CHRNA6: variants seen among roughly 807,000 people sequenced by gnomAD.
The protein encoded by CHRNA6 is cholinergic receptor nicotinic alpha 6 subunit.
CHRNA6 carries 31 observed loss-of-function variants against 40.9 expected under a neutral mutation model. The ratio of observed to expected loss-of-function variants is 0.76; its 90% CI spans 0.57 to 1.02. CHRNA6 has a LOEUF of 1.02. Ranked by LOEUF, CHRNA6 falls within the 50% of genes least tolerant of loss-of-function variation. The probability of loss-of-function intolerance (pLI) is 0.00; values close to 1 mark genes in which losing one functional copy is unlikely to be tolerated. For missense variants in CHRNA6, 546 were observed against 596.6 expected, an observed-to-expected ratio of 0.92 and a Z score of 0.88; for synonymous variants, 222 against 221.3, an observed-to-expected ratio of 1.00 and a Z score of -0.03.
chr8:42,760,680 T>TCA (rs1297893600), intron 2 of CHRNA6, among the ~76,000 whole-genome samples: 4 of 152,078 alleles, frequency 2.6e-5, no homozygotes, highest in East Asian at 1.9e-4. Flanking sequence ...ATGATCTCAG[T>TCA]CACACACACA....
intron 2 of CHRNA6, among the ~76,000 whole-genome samples, chr8:42,764,014 G>C (rs1816939210): frequency 6.6e-6 from 1 of 152,152 alleles, no homozygotes; most frequent in Non-Finnish European, 1.5e-5. Flanking sequence ...CTCCCCCTCT[G>C]TGTCCTGTAG....
In CHRNA6 at chr8:42,756,467, C is replaced by A. The variant is rs146921905; in HGVS notation, c.732G>T (p.Thr244=). The stretch of plus-strand genomic sequence containing the variant: ...AGAGACAAGGGATGATCAGATTAAT[C>A]GTGTAAAACATCGGCAATCTTCTAA... The part of the protein sequence containing the change: ...FYIRRLPMFY[T]INLIIPCLFI... The change falls in exon 5 of 6, where the codon ACG becomes ACT. Residue 244 remains threonine, a synonymous_variant. Transcript: ENST00000276410. 2.5e-6 allele frequency: 4 copies of A among 1,614,140 alleles called. No individual in the cohort carries two copies. Among genetic ancestry groups the A allele is most frequent in the East Asian group, 2.2e-5 (1 of 44,890 alleles).
intron 4 of CHRNA6, 30 bp downstream of exon 4, chr8:42,756,898 A>C: frequency 6.2e-7 from 1 of 1,611,306 alleles, no homozygotes; most frequent in African/African-American, 1.3e-5. Flanking sequence ...GCAGCTTTGG[A>C]AAGAGGCTAC....
chr8:42,754,606 G>A (rs1306958193), intron 5 of CHRNA6, among the ~76,000 whole-genome samples: 4 of 152,090 alleles, frequency 2.6e-5, no homozygotes, highest in Admixed American at 2.0e-4. Context: ...CCAACAGGGC[G>A]GACTTTCGGT....
chr8:42,766,730 G>A (rs1477354005), intron 1 of CHRNA6, among the ~76,000 whole-genome samples: 4 of 152,138 alleles, frequency 2.6e-5, no homozygotes, highest in Admixed American at 2.0e-4. Flanking sequence ...ACACACTAGA[G>A]CCTCTTGAGG....
chr8:42,757,665 G>A (rs1354512612), intron 3 of CHRNA6, among the ~76,000 whole-genome samples: 6 of 150,634 alleles, frequency 4.0e-5, no homozygotes, highest in African/African-American at 7.3e-5. Flanking sequence ...CCCAGGAGGC[G>A]GAGCTTGCAG....
chr8:42,755,782 C>A (rs985840706), intron 5 of CHRNA6, 64 bp downstream of exon 5: 2 of 1,536,654 alleles, frequency 1.3e-6, no homozygotes, highest in East Asian at 4.5e-5. Flanking sequence ...TCTGACTGTG[C>A]ATCCAGAGTG....
At chr8:42,759,777 G>A (rs1044992071) in intron 2 of CHRNA6, among the ~76,000 whole-genome samples, 1 of 151,980 alleles carries the variant, frequency 6.6e-6, no homozygotes, top group South Asian at 2.1e-4. Flanking sequence ...GCGGGCGCCT[G>A]TAATCCCAGC....
chr8:42,768,158 C>G (rs1251330340), intron 1 of CHRNA6, among the ~76,000 whole-genome samples, 194 bp downstream of exon 1: 1 of 152,172 alleles, frequency 6.6e-6, no homozygotes. Context: ...CCCCACCCTA[C>G]CCCTCAGATT....
In CHRNA6 at chr8:42,756,801, T is replaced by A; in HGVS notation, c.398A>T (p.Glu133Val). The change falls in exon 5 of 6, where the codon GAA becomes GTA. Residue 133 changes from glutamate (E) to valine (V), a missense_variant. Glu to Val is a moderately radical substitution (Grantham distance 121, BLOSUM62 -2). Transcript: ENST00000276410. ...TTTAAGAAGAGCTTTTGTTTTGCCT[T>A]CTACTTGGAAGTCACCAACAGCACT... is the stretch of plus-strand genomic sequence containing the variant. Reference protein sequence around the residue: ...YNNAVGDFQVEGKTKALLKYN... With the variant: ...YNNAVGDFQVVGKTKALLKYN... 6.2e-7 allele frequency: 1 copy of A among 1,607,352 alleles called. No homozygotes were observed. Among genetic ancestry groups the A allele is most frequent in the Non-Finnish European group, 8.5e-7 (1 of 1,178,156 alleles).
intron 2 of CHRNA6, among the ~76,000 whole-genome samples, chr8:42,763,247 C>T (rs10109429): frequency 0.16 from 24,500 of 152,132 alleles, 3,139 homozygotes; most frequent in African/African-American, 0.35. Flanking sequence ...CCTTTAGAAT[C>T]ACAGTCCGTT....
chr8:42,754,895 G>C (rs1357646455), intron 5 of CHRNA6, among the ~76,000 whole-genome samples: 1 of 152,140 alleles, frequency 6.6e-6, no homozygotes, highest in African/African-American at 2.4e-5. Flanking sequence ...AGTGGGGCCA[G>C]AGCTGCCGGA....
chr8:42,754,758 G>A (rs1443517863), intron 5 of CHRNA6, among the ~76,000 whole-genome samples: 1 of 152,174 alleles, frequency 6.6e-6, no homozygotes, highest in African/African-American at 2.4e-5. Context: ...CTTGAGCTCT[G>A]TCTTTGGAAG....
intron 3 of CHRNA6, among the ~76,000 whole-genome samples, chr8:42,758,586 A>C (rs1414956487): frequency 6.6e-6 from 1 of 151,998 alleles, no homozygotes; most frequent in Non-Finnish European, 1.5e-5. Flanking sequence ...TTGGTCTCGA[A>C]CTCCTGACCT....
rs1474904143 is a variant in CHRNA6 at position 42,756,605 on chromosome 8, A to AT, written c.593dup (p.Asn198LysfsTer2). ...CCCATTCACTGTTTTCCCAAAAATC[A>AT]TTCATATCCACTTTTGATCCAATGA... On this transcript the variant is annotated frameshift_variant, in exon 5 of 6. Transcript: ENST00000276410. LOFTEE classifies it high-confidence loss of function. 6.2e-7 allele frequency: 1 copy of AT among 1,614,150 alleles called. No individual in the cohort carries two copies. Among genetic ancestry groups the AT allele is most frequent in the South Asian group, 1.1e-5 (1 of 91,086 alleles).
rs1271112023 is a variant in CHRNA6 at position 42,757,714 on chromosome 8, C to G, written c.265-677G>C. 2.4e-5 allele frequency among the ~76,000 whole-genome samples: 3 copies of G among 124,340 alleles called. No homozygotes were observed. In the Admixed American group the frequency reaches 2.8e-4, roughly 12 times the overall value. 81.6% of individuals were successfully genotyped at this position (124,340 alleles called of 152,430 possible). On this transcript the variant is annotated intron_variant, in intron 3 of 5. Coordinates refer to ENST00000276410, the MANE Select transcript of CHRNA6 (RefSeq NM_004198.3). The stretch of plus-strand genomic sequence containing the variant: ...TGCCACTGCACTCCAGCCTAGGCGA[C>G]GGACCGGGACTCTGTCTCAAAAAAA...
chr8:42,764,666 G>A (rs556068366), intron 2 of CHRNA6, among the ~76,000 whole-genome samples: 30 of 152,154 alleles, frequency 2.0e-4, no homozygotes, highest in Non-Finnish European at 3.7e-4. Flanking sequence ...AAGGGCATGA[G>A]CTTTGGAGTT....
At chr8:42,765,790 T>C (rs1816968077) in intron 1 of CHRNA6, among the ~76,000 whole-genome samples, 1 of 152,178 alleles carries the variant, frequency 6.6e-6, no homozygotes, top group Admixed American at 6.5e-5. Flanking sequence ...AAAGTAGACA[T>C]TTATGTGGCC....
At chr8:42,766,881 TTAAAA>T (rs1208196497) in intron 1 of CHRNA6, among the ~76,000 whole-genome samples, 5 of 152,230 alleles carry the variant, frequency 3.3e-5, no homozygotes, top group African/African-American at 1.2e-4. Context: ...TACCCCAGAC[TTAAAA>T]TAAAACAAAA....
Sources: gnomAD v4.1 joint callset for allele counts (sites outside exome capture counted in the v4.1 genomes callset) on GRCh38, gnomAD v4.1.1 for gene constraint, MANE v1.5 for transcripts, NCBI Gene and HGNC (gene_info 2026-07-23, HGNC 2026-07-21) for gene names.